Variants in ZNF107 observed in about 807,000 individuals in gnomAD.
ZNF107 encodes the protein zinc finger protein 107.
Under a neutral mutation model 12.3 loss-of-function variants are expected in ZNF107, and 19 were observed. The ratio of observed to expected loss-of-function variants is 1.55; its 90% CI spans 1.08 to 2.27. ZNF107 has a LOEUF of 2.27. ZNF107 is among the 30% of genes most tolerant of loss of function. ZNF107 has a pLI of 0.00. For synonymous variants in ZNF107, 317 were observed against 330.5 expected (o/e 0.96, Z 0.44); for missense variants, 958 against 979.9 (o/e 0.98, Z 0.30).
At chr7:64,686,155 G>A (rs1307575140) in intron 1 of ZNF107, among the ~76,000 whole-genome samples, 1 of 152,120 alleles carries the variant, frequency 6.6e-6, no homozygotes, top group Non-Finnish European at 1.5e-5. Flanking sequence ...TTTAGGGGAA[G>A]ATTGTTTTTC....
chr7:64,710,037 A>T lies in ZNF107; in HGVS notation c.*1381A>T, dbSNP rs1357067956. On this transcript the variant is annotated 3_prime_UTR_variant, in exon 4 of 4. Transcript: ENST00000620827. Reference sequence around the variant, plus strand: ...CAGCTAATTGGGAGGCTGAAGCAGGAGAATTGCTCAAACCTGGGAGGCGAA... The same window carrying T: ...CAGCTAATTGGGAGGCTGAAGCAGGTGAATTGCTCAAACCTGGGAGGCGAA... 1 of 219,226 alleles carries T rather than the reference A, an allele frequency of 4.6e-6. No homozygotes were observed. The highest frequency in any genetic ancestry group is 5.9e-5 in the Admixed American group (1 of 16,848). The allele number at this position is 219,226 out of a possible 1,614,324, so 13.6% of individuals were successfully genotyped here. A position where few individuals can be genotyped will look rare whatever the true frequency, so the allele number is the denominator to read the frequency against.
intron 3 of ZNF107, among the ~76,000 whole-genome samples, chr7:64,693,678 G>A (rs1164034425): frequency 6.6e-6 from 1 of 152,158 alleles, no homozygotes; most frequent in Non-Finnish European, 1.5e-5. Flanking sequence ...GCAGATATTA[G>A]GGCATGTTTT....
chr7:64,700,215 C>T (rs1790428403), intron 3 of ZNF107, among the ~76,000 whole-genome samples: 1 of 152,102 alleles, frequency 6.6e-6, no homozygotes. Context: ...GGATGTAAAA[C>T]CTGGTGGCAG....
At chr7:64,697,639 A>T (rs1790335738) in intron 3 of ZNF107, among the ~76,000 whole-genome samples, 1 of 152,168 alleles carries the variant, frequency 6.6e-6, no homozygotes, top group African/African-American at 2.4e-5. Flanking sequence ...ATTAAGAAAT[A>T]GGATTTATTA....
chr7:64,686,369 C>T (rs1003833344), intron 1 of ZNF107: 11 of 307,506 alleles, frequency 3.6e-5, no homozygotes, highest in Non-Finnish European at 4.7e-5. Flanking sequence ...TCAGTTCCTA[C>T]AAAATCTCAT....
intron 2 of ZNF107, 132 bp downstream of exon 2, chr7:64,691,506 G>T: frequency 1.2e-6 from 1 of 864,284 alleles, no homozygotes; most frequent in Non-Finnish European, 1.5e-6. Context: ...GAAAATCCTT[G>T]AGATTTCTTT....
In ZNF107 at chr7:64,710,709, T is replaced by G. The variant is rs2128970741; in HGVS notation, c.*2053T>G. 1 of 152,296 alleles carries G rather than the reference T, an allele frequency of 6.6e-6. No individual in the cohort carries two copies. Among genetic ancestry groups the G allele is most frequent in the African/African-American group, 2.4e-5 (1 of 41,578 alleles). The allele number at this position is 152,296 out of a possible 1,614,324, so 9.4% of individuals were successfully genotyped here. ...GCTCTTCATTCCTATTGTATTCACA[T>G]GTGAAAGCATGTGATTAATTTTTCA... is the stretch of plus-strand genomic sequence containing the variant. On this transcript the variant is annotated 3_prime_UTR_variant, in exon 4 of 4. Transcript: ENST00000620827.
intron 3 of ZNF107, 31 bp from the exon 4 acceptor site, chr7:64,706,293 T>C: frequency 6.7e-7 from 1 of 1,488,350 alleles, no homozygotes; most frequent in Non-Finnish European, 8.9e-7. Flanking sequence ...GTCTAGCAAG[T>C]GGAGTAATTT....
At chr7:64,669,446 A>C (rs1467404414) in intron 1 of ZNF107, among the ~76,000 whole-genome samples, 1 of 152,240 alleles carries the variant, frequency 6.6e-6, no homozygotes, top group Non-Finnish European at 1.5e-5. Flanking sequence ...ATCGTCTGAA[A>C]GAAATAAATA....
intron 3 of ZNF107, among the ~76,000 whole-genome samples, chr7:64,694,640 C>T (rs150229295): frequency 3.3e-5 from 5 of 151,938 alleles, no homozygotes; most frequent in East Asian, 1.9e-4. Context: ...TAGCTGTCAT[C>T]GCAGGTGTGA....
Position 64,706,502 on chromosome 7 carries a change from A to C in ZNF107, c.405A>C (p.Gln135His). 6.2e-7 allele frequency: 1 copy of C among 1,611,862 alleles called. No individual in the cohort carries two copies. Among genetic ancestry groups the C allele is most frequent in the South Asian group, 1.1e-5 (1 of 90,776 alleles). Residue 135 changes from glutamine to histidine, a missense_variant, in exon 4 of 4, where the codon CAA becomes CAC. By Grantham distance (24) the Gln-to-His change is conservative. Coordinates refer to ENST00000620827, the MANE Select transcript of ZNF107 (RefSeq NM_001282359.2). Reference sequence around the variant, plus strand: ...AAGGAGGTCATAATACAGTTAACCAATGTTTGACAGCTACCCCAAGCAAAA... The same window carrying C: ...AAGGAGGTCATAATACAGTTAACCACTGTTTGACAGCTACCCCAAGCAAAA... ...GHKGGHNTVN[Q>H]CLTATPSKIF... is the part of the protein sequence containing the mutation.
intron 1 of ZNF107, among the ~76,000 whole-genome samples, chr7:64,668,693 T>C (rs1299740860): frequency 6.6e-6 from 1 of 152,180 alleles, no homozygotes; most frequent in Non-Finnish European, 1.5e-5. Flanking sequence ...GAATTCTCAT[T>C]TACCTTTTTC....
In ZNF107 at chr7:64,679,930, G is replaced by A. The variant is rs141840755; in HGVS notation, c.4-11318G>A. On this transcript the variant is annotated intron_variant, in intron 1 of 3. Transcript: ENST00000620827. ...GCAATTTGTCTCAAATTCTCCTTCT[G>A]TCCCGCCCATCTGCTCCCCTACCAC... Among the ~76,000 whole-genome samples, 514 of 152,076 alleles carry A rather than the reference G, an allele frequency of 3.4e-3. 6 individuals carry two copies. The highest frequency in any genetic ancestry group is 0.012 in the African/African-American group (492 of 41,462).
intron 1 of ZNF107, chr7:64,687,113 T>TC (rs1789948452): frequency 5.1e-6 from 5 of 985,480 alleles, no homozygotes; most frequent in African/African-American, 1.7e-5. Context: ...TCTTTTTTTT[T>TC]CCCTCTCAAT....
At position 64,691,193 on chromosome 7, in the gene ZNF107, A is replaced by G. The variant is rs950736951; in HGVS notation, c.4-55A>G. 22 of 1,344,936 alleles carry G rather than the reference A, an allele frequency of 1.6e-5. No homozygotes were observed. The Admixed American group carries it at 4.1e-4, about 25-fold the overall frequency. 83.3% of individuals were successfully genotyped at this position (1,344,936 alleles called of 1,614,324 possible). On this transcript the variant is annotated intron_variant, in intron 1 of 3. Transcript: ENST00000620827. ...GACTATCCTATACATTTTTTTAAAAATTCAATGACAGCTTATGGCTGCTTG... is the reference window on the plus strand; with the variant it reads ...GACTATCCTATACATTTTTTTAAAAGTTCAATGACAGCTTATGGCTGCTTG...
intron 3 of ZNF107, among the ~76,000 whole-genome samples, chr7:64,705,659 C>A (rs1488731646): frequency 6.7e-6 from 1 of 148,928 alleles, no homozygotes; most frequent in Non-Finnish European, 1.5e-5. Context: ...GTCTTTCAGA[C>A]ATGTTCTTAA....
chr7:64,696,244 G>A (rs986390223), intron 3 of ZNF107, among the ~76,000 whole-genome samples: 42 of 151,988 alleles, frequency 2.8e-4, no homozygotes, highest in Non-Finnish European at 1.5e-5. Context: ...GTAGAGACGG[G>A]GTTTCACCAT....
chr7:64,674,818 T>A (rs1373946092), intron 1 of ZNF107, among the ~76,000 whole-genome samples: 1 of 152,232 alleles, frequency 6.6e-6, no homozygotes, highest in African/African-American at 2.4e-5. Flanking sequence ...ATGCGAAGGA[T>A]GTTGAATTTT....
rs76350051 is a variant in ZNF107, at chr7:64,703,867, T to G, written c.227-2457T>G. ...TATCTTTGTCCCTTATTTTCTGTCT[T>G]TCTTTCTTCCTTTGTGTCTTTTGAT... On this transcript the variant is annotated intron_variant, in intron 3 of 3. Coordinates refer to ENST00000620827, the MANE Select transcript of ZNF107 (RefSeq NM_001282359.2). Among the ~76,000 whole-genome samples the G allele has an allele frequency of 3.0e-3, 464 of 152,262 alleles. 12 individuals carry two copies. In the East Asian group the frequency reaches 0.072, roughly 24 times the overall value.
Sources: gnomAD v4.1 joint callset for allele counts (sites outside exome capture counted in the v4.1 genomes callset) on GRCh38, gnomAD v4.1.1 for gene constraint, MANE v1.5 for transcripts, NCBI Gene and HGNC (gene_info 2026-07-23, HGNC 2026-07-21) for gene names.